The following CNTNAP2 variants were observed in gnomAD, a reference collection of about 807,000 sequenced individuals.
CNTNAP2 encodes contactin associated protein 2.
In CNTNAP2, 98 loss-of-function variants were observed where a neutral mutation model predicts 155.2. The ratio of observed to expected loss-of-function variants is 0.63; its 90% CI spans 0.54 to 0.75. The LOEUF (loss-of-function observed/expected upper bound fraction) is 0.75. Ranked by LOEUF, CNTNAP2 falls within the 30% of genes least tolerant of loss-of-function variation. The probability of loss-of-function intolerance (pLI) is 0.00; values close to 1 mark genes in which losing one functional copy is unlikely to be tolerated. For missense variants in CNTNAP2, 1,727 were observed against 1,688.1 expected, an observed-to-expected ratio of 1.02 and a Z score of -0.40; for synonymous variants, 651 against 631.2, an observed-to-expected ratio of 1.03 and a Z score of -0.47.
chr7:147,550,862 A>C (rs202225336), intron 11 of CNTNAP2, among the ~76,000 whole-genome samples: 13 of 152,246 alleles, frequency 8.5e-5, no homozygotes, highest in African/African-American at 3.1e-4. Flanking sequence ...ATGTACATAT[A>C]GATATAGTAT....
At chr7:147,046,167 G>T (rs555624143) in intron 4 of CNTNAP2, among the ~76,000 whole-genome samples, 1 of 152,132 alleles carries the variant, frequency 6.6e-6, no homozygotes, top group Non-Finnish European at 1.5e-5. Flanking sequence ...CACTATCACC[G>T]TTCTGTTTTT....
At chr7:147,538,026 TGAG>T (rs1799577952) in intron 11 of CNTNAP2, among the ~76,000 whole-genome samples, 1 of 152,228 alleles carries the variant, frequency 6.6e-6, no homozygotes, top group Non-Finnish European at 1.5e-5. Flanking sequence ...CCCAGGAAGC[TGAG>T]TTAGTGGTGA....
In CNTNAP2 at chr7:148,024,173, A is replaced by AAAAAAAAAAAAAC. The variant is rs796940228; in HGVS notation, c.2383+46190_2383+46191insAAAAAACAAAAAA. Among the ~76,000 whole-genome samples the AAAAAAAAAAAAAC allele has an allele frequency of 1.8e-3, 264 of 147,920 alleles. 7 individuals are homozygous for AAAAAAAAAAAAAC. The East Asian group carries it at 0.039, about 22-fold the overall frequency. On this transcript the variant is annotated intron_variant, in intron 15 of 23. Transcript: ENST00000361727. ...TTTAAAGTGTAAAAAAAAAAAAAAA[A>AAAAAAAAAAAAAC]AAAAAACTTTATAACATCCTGAGAA...
intron 9 of CNTNAP2, among the ~76,000 whole-genome samples, chr7:147,378,979 T>G (rs1039859802): frequency 2.0e-5 from 3 of 152,036 alleles, no homozygotes; most frequent in Middle Eastern, 3.4e-3. Flanking sequence ...TGGCAGCAGT[T>G]CCCCCCATGC....
At chr7:148,079,731 A>G (rs2097878) in intron 15 of CNTNAP2, among the ~76,000 whole-genome samples, 8,274 of 152,258 alleles carry the variant, frequency 0.054, 463 homozygotes, top group East Asian at 0.29. Context: ...ATGCTATACT[A>G]GAGTCAGGCT....
chr7:148,128,902 C>T (rs972387049), intron 16 of CNTNAP2, among the ~76,000 whole-genome samples: 2 of 152,158 alleles, frequency 1.3e-5, no homozygotes, highest in African/African-American at 4.8e-5. Flanking sequence ...CACGTGGCAG[C>T]TCCTATGGGT....
intron 15 of CNTNAP2, among the ~76,000 whole-genome samples, chr7:148,002,084 A>G (rs1427406162): frequency 6.6e-6 from 1 of 152,328 alleles, no homozygotes. Context: ...CCATGGCTTG[A>G]TGCTGCTATC....
At chr7:146,437,293 C>G (rs1796257988) in intron 1 of CNTNAP2, among the ~76,000 whole-genome samples, 1 of 151,318 alleles carries the variant, frequency 6.6e-6, no homozygotes, top group East Asian at 1.9e-4. Flanking sequence ...GTCCCTGGTG[C>G]CAAAAATGTT....
intron 1 of CNTNAP2, among the ~76,000 whole-genome samples, chr7:146,439,689 G>T (rs1320984508): frequency 1.3e-5 from 2 of 151,382 alleles, no homozygotes; most frequent in East Asian, 1.9e-4. Flanking sequence ...ATATATATGG[G>T]AGCAGAATGA....
At chr7:147,769,108 T>G (rs781657839) in intron 13 of CNTNAP2, among the ~76,000 whole-genome samples, 11 of 152,098 alleles carry the variant, frequency 7.2e-5, no homozygotes, top group Middle Eastern at 3.2e-3. Flanking sequence ...TAGCAAAAAT[T>G]TAATTAGCAC....
chr7:147,808,761 C>T (rs1798132972), intron 13 of CNTNAP2, among the ~76,000 whole-genome samples: 1 of 152,128 alleles, frequency 6.6e-6, no homozygotes, highest in Non-Finnish European at 1.5e-5. Context: ...TCTATAAAGT[C>T]CTTATTGACT....
chr7:147,997,742 C>T (rs532558328), intron 15 of CNTNAP2, among the ~76,000 whole-genome samples: 270 of 152,014 alleles, frequency 1.8e-3, no homozygotes, highest in Non-Finnish European at 3.2e-3. Context: ...GGGAGACTCC[C>T]CTTATGGGAG....
intron 5 of CNTNAP2, among the ~76,000 whole-genome samples, chr7:147,119,772 G>T (rs1195032297): frequency 6.6e-6 from 1 of 151,874 alleles, no homozygotes; most frequent in Non-Finnish European, 1.5e-5. Context: ...AGGAAAGAAA[G>T]AAAGAAGGAA....
chr7:147,300,148 G>A lies in CNTNAP2; in HGVS notation c.1356G>A (p.Gly452=), dbSNP rs1283772865. The change falls in exon 9 of 24, where the codon GGG becomes GGA. Residue 452 remains glycine, a synonymous_variant. Coordinates refer to ENST00000361727, the MANE Select transcript of CNTNAP2 (RefSeq NM_014141.6). ...MSQIDISSGS[G]LNDGQWHEVR... is the part of the protein sequence containing the mutation. ...TTATCTTGTACTTACCAGGTTCTGG[G>A]TTGAATGATGGACAGTGGCACGAGG... is the stretch of plus-strand genomic sequence containing the variant. 1.2e-6 allele frequency: 2 copies of A among 1,613,992 alleles called. No homozygotes were observed. Among genetic ancestry groups the A allele is most frequent in the Non-Finnish European group, 1.7e-6 (2 of 1,179,918 alleles).
chr7:147,223,876 G>A (rs1006165187), intron 8 of CNTNAP2, among the ~76,000 whole-genome samples: 9 of 148,476 alleles, frequency 6.1e-5, no homozygotes, highest in Non-Finnish European at 1.3e-4. Flanking sequence ...AGAAGGCAAA[G>A]CTTGCAGTGA....
intron 1 of CNTNAP2, among the ~76,000 whole-genome samples, chr7:146,768,477 G>T (rs977196580): frequency 6.6e-6 from 1 of 151,728 alleles, no homozygotes; most frequent in South Asian, 2.1e-4. Flanking sequence ...ATGGACATCA[G>T]GGGGTAGATA....
chr7:146,979,052 TTC>T (rs1797965606), intron 3 of CNTNAP2, among the ~76,000 whole-genome samples: 1 of 152,212 alleles, frequency 6.6e-6, no homozygotes, highest in Admixed American at 6.5e-5. Flanking sequence ...TGCCTATTAA[TTC>T]TGAGTCCCAT....
At chr7:148,338,247 C>T (rs1197696365) in intron 21 of CNTNAP2, among the ~76,000 whole-genome samples, 1 of 152,174 alleles carries the variant, frequency 6.6e-6, no homozygotes, top group Admixed American at 6.5e-5. Flanking sequence ...AGAGTAAGGG[C>T]TGGCTATGGT....
chr7:146,242,197 A>G (rs940387353), intron 1 of CNTNAP2, among the ~76,000 whole-genome samples: 3 of 152,172 alleles, frequency 2.0e-5, no homozygotes, highest in Non-Finnish European at 4.4e-5. Context: ...CTGACAATCT[A>G]TCCAAATTGA....
Sources: gnomAD v4.1 joint callset for allele counts (sites outside exome capture counted in the v4.1 genomes callset) on GRCh38, gnomAD v4.1.1 for gene constraint, MANE v1.5 for transcripts, NCBI Gene and HGNC (gene_info 2026-07-23, HGNC 2026-07-21) for gene names.